The following ACOT7 variants were observed in gnomAD, a reference collection of about 807,000 sequenced individuals.
ACOT7 encodes cytosolic acyl coenzyme A thioester hydrolase.
A neutral mutation model predicts 40.2 loss-of-function variants in ACOT7; 12 were observed. The ratio of observed to expected loss-of-function variants is 0.30; its 90% CI spans 0.19 to 0.48. The LOEUF is 0.48. Among genes scored for constraint, ACOT7 ranks in the 20% least tolerant of loss-of-function variants. The probability of loss-of-function intolerance (pLI) is 0.99; values close to 1 mark genes in which losing one functional copy is unlikely to be tolerated. For synonymous variants in ACOT7, 228 were observed against 219.5 expected (o/e 1.04, Z -0.34); for missense variants, 395 against 530.8 (o/e 0.74, Z 2.51).
In ACOT7 at chr1:6,282,861, G is replaced by C. The variant is rs1205279372; in HGVS notation, c.830-1575C>G. On this transcript the variant is annotated intron_variant, in intron 7 of 8. Coordinates refer to ENST00000361521, the MANE Select transcript of ACOT7 (RefSeq NM_007274.4). This position sits in a 1 kb window ranked among gnomAD's most constrained non-coding sequence, Gnocchi z 4.5. ...CAAGACGCACCCCGGGAGGAGGGCA[G>C]GCCATGGGTCAGGCCCCAGCTAAGG... 2.5e-6 allele frequency: 3 copies of C among 1,187,194 alleles called. No homozygotes were observed. Among genetic ancestry groups the C allele is most frequent in the Non-Finnish European group, 3.4e-6 (3 of 882,342 alleles). 73.5% of individuals were successfully genotyped at this position (1,187,194 alleles called of 1,614,324 possible).
intron 1 of ACOT7, among the ~76,000 whole-genome samples, chr1:6,380,837 T>C (rs953946361): frequency 6.6e-6 from 1 of 151,752 alleles, no homozygotes; most frequent in Non-Finnish European, 1.5e-5. Context: ...ATTTCTTGGC[T>C]ATGACATCAA....
At chr1:6,371,227 C>T (rs1642127795) in intron 1 of ACOT7, among the ~76,000 whole-genome samples, 1 of 152,134 alleles carries the variant, frequency 6.6e-6, no homozygotes, top group Non-Finnish European at 1.5e-5. Context: ...ATTTGTTGTT[C>T]CATTTATAGA....
At position 6,318,684 on chromosome 1, in the gene ACOT7, C is replaced by A. The variant is rs1640561645; in HGVS notation, c.626-106G>T. The A allele has an allele frequency of 4.6e-6, 5 of 1,091,882 alleles. No individual in the cohort carries two copies. In the Admixed American group the frequency reaches 1.0e-4, roughly 22 times the overall value. 67.6% of individuals were successfully genotyped at this position (1,091,882 alleles called of 1,614,324 possible). On this transcript the variant is annotated intron_variant, in intron 5 of 8. Transcript: ENST00000361521. ...CTCAGGTCTACACAGTCAACGAAGG[C>A]GTCCAAAGCCGGGTTCAGCTATGAT...
chr1:6,346,396 C>G (rs142482828), intron 2 of ACOT7, among the ~76,000 whole-genome samples: 1 of 152,184 alleles, frequency 6.6e-6, no homozygotes, highest in Admixed American at 6.5e-5. Context: ...TATGTAGAGC[C>G]TAGAAGAGGA....
chr1:6,353,081 G>A (rs1232267993), intron 1 of ACOT7, among the ~76,000 whole-genome samples: 1 of 152,034 alleles, frequency 6.6e-6, no homozygotes, highest in Non-Finnish European at 1.5e-5. Context: ...GTTTTGCCAT[G>A]TTGCCCAGGC....
intron 6 of ACOT7, among the ~76,000 whole-genome samples, chr1:6,305,221 CGGA>C (rs1255005806): frequency 6.7e-6 from 1 of 149,738 alleles, no homozygotes; most frequent in African/African-American, 2.5e-5. Context: ...ACATCCTTCC[CGGA>C]CGGGGCGGCG....
chr1:6,326,967 G>A (rs557358718), intron 5 of ACOT7, among the ~76,000 whole-genome samples: 48 of 151,578 alleles, frequency 3.2e-4, no homozygotes, highest in Non-Finnish European at 5.2e-4. Flanking sequence ...AAGCCACTGA[G>A]CGAACACAAG....
At position 6,358,610 on chromosome 1, in the gene ACOT7, T is replaced by C. The variant is rs1300861547; in HGVS notation, c.144-8744A>G. The stretch of plus-strand genomic sequence containing the variant: ...GACCCCAGCTCACGCAGGCCTGCAC[T>C]TCCTATCCCAGCTTCGGCTGACCAC... On this transcript the variant is annotated intron_variant, in intron 1 of 8. Coordinates refer to ENST00000361521, the MANE Select transcript of ACOT7 (RefSeq NM_007274.4). The surrounding 1 kb of genome is among the most constrained non-coding windows in gnomAD (Gnocchi z 4.1). 6.6e-6 allele frequency among the ~76,000 whole-genome samples: 1 copy of C among 152,182 alleles called. No individual in the cohort carries two copies. The highest frequency in any genetic ancestry group is 1.5e-5 in the Non-Finnish European group (1 of 68,014).
Position 6,343,247 on chromosome 1 carries a change from C to T in ACOT7, c.262-3658G>A, listed in dbSNP as rs182032976. Among the ~76,000 whole-genome samples the T allele has an allele frequency of 3.7e-3, 561 of 152,330 alleles. 4 individuals carry two copies. Among genetic ancestry groups the T allele is most frequent in the African/African-American group, 0.013 (542 of 41,570 alleles). On this transcript the variant is annotated intron_variant, in intron 2 of 8. Transcript: ENST00000361521. ...CTGTGCTCTCCCACCTACCGCCTGC[C>T]GCCCCCAAAGCACCGACATGCAGCT...
rs1417384265 is a variant in ACOT7, at chr1:6,338,659, G to A, written c.418+774C>T. Among the ~76,000 whole-genome samples the A allele has an allele frequency of 6.6e-6, 1 of 152,200 alleles. No individual in the cohort carries two copies. Among genetic ancestry groups the A allele is most frequent in the Non-Finnish European group, 1.5e-5 (1 of 68,026 alleles). On this transcript the variant is annotated intron_variant, in intron 3 of 8. Coordinates refer to ENST00000361521, the MANE Select transcript of ACOT7 (RefSeq NM_007274.4). The surrounding 1 kb of genome is among the most constrained non-coding windows in gnomAD (Gnocchi z 4.4). ...GGACTCAAGCCCCTCAAATGGCTGT[G>A]AGCTGGCACTCCACGGGGCAGCCAC...
chr1:6,270,516 G>A (rs1639000672), intron 8 of ACOT7, among the ~76,000 whole-genome samples: 1 of 152,194 alleles, frequency 6.6e-6, no homozygotes, highest in Non-Finnish European at 1.5e-5. Context: ...GGTGGCAAAG[G>A]GCAGCTCAGG....
At chr1:6,367,922 G>A (rs1642050847) in intron 1 of ACOT7, among the ~76,000 whole-genome samples, 1 of 152,218 alleles carries the variant, frequency 6.6e-6, no homozygotes, top group Admixed American at 6.5e-5. Context: ...GCTTTATTGA[G>A]TCACAGCCAG....
intron 7 of ACOT7, among the ~76,000 whole-genome samples, chr1:6,287,073 ACC>A (rs1337512751): frequency 6.6e-6 from 1 of 152,248 alleles, no homozygotes; most frequent in Non-Finnish European, 1.5e-5. Context: ...GGCATGAGCC[ACC>A]GCGCCCAGCT....
chr1:6,305,869 A>G (rs563867213), intron 6 of ACOT7, among the ~76,000 whole-genome samples: 4,573 of 152,138 alleles, frequency 0.03, 121 homozygotes, highest in African/African-American at 0.088. Flanking sequence ...GCGAGCCGAG[A>G]TCACGCCACT....
intron 6 of ACOT7, among the ~76,000 whole-genome samples, chr1:6,302,369 G>A (rs573370216): frequency 3.0e-4 from 45 of 152,166 alleles, no homozygotes; most frequent in South Asian, 2.1e-4. Flanking sequence ...AACCTTTCTC[G>A]GGGAAACACT....
intron 1 of ACOT7, among the ~76,000 whole-genome samples, chr1:6,375,489 GA>G (rs1308031814): frequency 2.0e-5 from 3 of 151,868 alleles, no homozygotes; most frequent in Admixed American, 1.3e-4. Context: ...CCAACGTAGA[GA>G]AACCCCAAAA....
In ACOT7 at chr1:6,393,328, G is replaced by A. The variant is rs745498703; in HGVS notation, c.72C>T (p.Ala24=). ...TGCTGGGGGCTGCGGCGGCGGATGC[G>A]GCGGGCGGCTGCAGAAGGGCGCAGG... is the stretch of plus-strand genomic sequence containing the variant. ...PDTCALLQPP[A]ASAAAAPSMS... The change falls in exon 1 of 9, where the codon GCC becomes GCT. Residue 24 remains alanine (A), a synonymous_variant. Transcript: ENST00000361521. The A allele has an allele frequency of 1.6e-6, 2 of 1,265,652 alleles. No individual in the cohort carries two copies. Among genetic ancestry groups the A allele is most frequent in the South Asian group, 3.6e-5 (1 of 27,868 alleles). The allele number at this position is 1,265,652 out of a possible 1,614,324, so 78.4% of individuals were successfully genotyped here.
rs529585626 is a variant in ACOT7 at position 6,278,804 on chromosome 1, C to T, written c.1014+2298G>A. On this transcript the variant is annotated intron_variant, in intron 8 of 8. Transcript: ENST00000361521. The surrounding 1 kb of genome is among the most constrained non-coding windows in gnomAD (Gnocchi z 4.1). ...TCCCTACAGACACTACAGGGTCCCCCATCCAGGGAGCGCAGGCTTCACTGA... is the reference window on the plus strand; with the variant it reads ...TCCCTACAGACACTACAGGGTCCCCTATCCAGGGAGCGCAGGCTTCACTGA... Among the ~76,000 whole-genome samples, 37 of 152,176 alleles carry T rather than the reference C, an allele frequency of 2.4e-4. No individual in the cohort carries two copies. Among genetic ancestry groups the T allele is most frequent in the Admixed American group, 8.5e-4 (13 of 15,286 alleles).
At chr1:6,268,769 C>G (rs1638929854) in intron 8 of ACOT7, among the ~76,000 whole-genome samples, 1 of 152,254 alleles carries the variant, frequency 6.6e-6, no homozygotes, top group African/African-American at 2.4e-5. Flanking sequence ...CAGCCACACG[C>G]AGCAGTGGAG....
Sources: gnomAD v4.1 joint callset for allele counts (sites outside exome capture counted in the v4.1 genomes callset) on GRCh38, gnomAD v4.1.1 for gene constraint, Gnocchi (gnomAD v3.1) non-coding constraint, MANE v1.5 for transcripts, NCBI Gene and HGNC (gene_info 2026-07-23, HGNC 2026-07-21) for gene names.